The following CPQ variants were observed in gnomAD, a reference collection of about 807,000 sequenced individuals.
CPQ encodes Ser-Met dipeptidase.
Under a neutral mutation model 45.7 loss-of-function variants are expected in CPQ, and 37 were observed. The ratio of observed to expected loss-of-function variants is 0.81; its 90% CI spans 0.62 to 1.07. The LOEUF (loss-of-function observed/expected upper bound fraction) is 1.07. Among genes scored for constraint, CPQ ranks in the 50% least tolerant of loss-of-function variants. The pLI is 0.00. For missense variants in CPQ, 537 were observed against 572.9 expected (o/e 0.94, Z 0.64); for synonymous variants, 186 against 205.8 (o/e 0.90, Z 0.82).
rs560752482 is a variant in CPQ at position 96,656,863 on chromosome 8, C to T, written c.-35+11461C>T. 1.2e-4 allele frequency among the ~76,000 whole-genome samples: 18 copies of T among 152,280 alleles called. 1 individual carries two copies. The highest frequency in any genetic ancestry group is 6.8e-3 in the Middle Eastern group (2 of 294). On this transcript the variant is annotated intron_variant, in intron 1 of 7. Coordinates refer to ENST00000220763, the MANE Select transcript of CPQ (RefSeq NM_016134.4). ...CCATCACCAAAATTTGCACACTGGT[C>T]CCTGTGAGCTCTGCCTCCTTTCTTT... is the stretch of plus-strand genomic sequence containing the variant.
chr8:97,062,115 T>A (rs1335694435), intron 6 of CPQ, among the ~76,000 whole-genome samples: 1 of 151,976 alleles, frequency 6.6e-6, no homozygotes, highest in Non-Finnish European at 1.5e-5. Context: ...GGACATCTGT[T>A]CATTTGTAGT....
At chr8:96,726,283 ATTAATTCATTC>A (rs1809838518) in intron 1 of CPQ, among the ~76,000 whole-genome samples, 1 of 152,174 alleles carries the variant, frequency 6.6e-6, no homozygotes, top group African/African-American at 2.4e-5. Context: ...CTCATTATGG[ATTAATTCATTC>A]ATGAATTAAT....
chr8:96,972,297 A>T (rs1813692853), intron 5 of CPQ, among the ~76,000 whole-genome samples: 1 of 152,142 alleles, frequency 6.6e-6, no homozygotes, highest in Non-Finnish European at 1.5e-5. Flanking sequence ...CCCCCTGGGA[A>T]TATAACTCCA....
At chr8:96,912,099 C>G (rs992340989) in intron 4 of CPQ, among the ~76,000 whole-genome samples, 9 of 152,134 alleles carry the variant, frequency 5.9e-5, no homozygotes, top group African/African-American at 1.9e-4. Flanking sequence ...TTTCTGACCC[C>G]CCAGAACCAG....
intron 1 of CPQ, among the ~76,000 whole-genome samples, chr8:96,671,137 G>A (rs552823736): frequency 9.2e-5 from 14 of 152,236 alleles, no homozygotes; most frequent in East Asian, 5.8e-4. Context: ...AAAACTTAGC[G>A]TACTTTACTG....
At chr8:96,950,351 A>G (rs1813243044) in intron 4 of CPQ, among the ~76,000 whole-genome samples, 1 of 152,122 alleles carries the variant, frequency 6.6e-6, no homozygotes, top group African/African-American at 2.4e-5. Context: ...ATCATATTTT[A>G]TTACTAAACA....
chr8:96,983,240 A>C (rs545533065), intron 5 of CPQ, among the ~76,000 whole-genome samples: 1 of 152,056 alleles, frequency 6.6e-6, no homozygotes, highest in African/African-American at 2.4e-5. Flanking sequence ...TATTTCTTCT[A>C]TCTTTTTGAG....
intron 6 of CPQ, among the ~76,000 whole-genome samples, chr8:97,035,300 T>A (rs1332728761): frequency 6.6e-6 from 1 of 152,210 alleles, no homozygotes; most frequent in Non-Finnish European, 1.5e-5. Flanking sequence ...GTGAGTTGTT[T>A]CCAGTTTTAG....
At chr8:96,667,040 A>G (rs925326394) in intron 1 of CPQ, among the ~76,000 whole-genome samples, 1 of 151,960 alleles carries the variant, frequency 6.6e-6, no homozygotes, top group African/African-American at 2.4e-5. Context: ...CTTTTTTAAT[A>G]CGGCTTTCTG....
At chr8:96,993,155 C>G (rs1809123187) in intron 5 of CPQ, among the ~76,000 whole-genome samples, 1 of 152,190 alleles carries the variant, frequency 6.6e-6, no homozygotes, top group South Asian at 2.1e-4. Flanking sequence ...GCATTAATAT[C>G]TATAATCATG....
At chr8:96,842,688 T>C (rs1423038770) in intron 3 of CPQ, among the ~76,000 whole-genome samples, 1 of 152,156 alleles carries the variant, frequency 6.6e-6, no homozygotes, top group African/African-American at 2.4e-5. Context: ...GGATTCTTAT[T>C]ATTGTATCAG....
intron 1 of CPQ, among the ~76,000 whole-genome samples, chr8:96,718,365 C>A (rs1019215246): frequency 2.0e-5 from 3 of 152,122 alleles, no homozygotes; most frequent in Non-Finnish European, 2.9e-5. Context: ...TTTCTTCCTT[C>A]TGGTGGGTTC....
chr8:96,946,366 T>G (rs1242553917), intron 4 of CPQ, among the ~76,000 whole-genome samples: 1 of 152,208 alleles, frequency 6.6e-6, no homozygotes, highest in Non-Finnish European at 1.5e-5. Context: ...ACTTCTAGAT[T>G]TAATGTATCA....
chr8:96,696,467 A>G (rs1051274827), intron 1 of CPQ, among the ~76,000 whole-genome samples: 3 of 152,092 alleles, frequency 2.0e-5, no homozygotes, highest in Admixed American at 2.0e-4. Context: ...AAAAAGAACT[A>G]GAAAAGCAAG....
chr8:97,123,467 A>T (rs1460327464), intron 7 of CPQ, among the ~76,000 whole-genome samples: 1 of 151,556 alleles, frequency 6.6e-6, no homozygotes, highest in Non-Finnish European at 1.5e-5. Context: ...TCTAATGAAG[A>T]CTGTGATAGT....
chr8:97,044,588 C>T (rs1427212232), intron 6 of CPQ, among the ~76,000 whole-genome samples: 5 of 152,202 alleles, frequency 3.3e-5, no homozygotes, highest in Non-Finnish European at 7.3e-5. Context: ...AGTTTTTCTG[C>T]TCTGTTTTTT....
chr8:96,708,369 C>T (rs888450418), intron 1 of CPQ, among the ~76,000 whole-genome samples: 9 of 151,576 alleles, frequency 5.9e-5, no homozygotes, highest in African/African-American at 9.7e-5. Flanking sequence ...ATTCTGCCTA[C>T]CACAGCTTCT....
At chr8:96,678,245 C>T (rs544155553) in intron 1 of CPQ, among the ~76,000 whole-genome samples, 57 of 152,040 alleles carry the variant, frequency 3.7e-4, no homozygotes, top group African/African-American at 1.3e-3. Context: ...GCATTGAATC[C>T]GTATATTGCT....
chr8:96,876,218 G>C (rs1812143391), intron 3 of CPQ, among the ~76,000 whole-genome samples: 1 of 151,834 alleles, frequency 6.6e-6, no homozygotes, highest in Admixed American at 6.6e-5. Flanking sequence ...GTGTGTATGT[G>C]TGTTCCTTAG....
Sources: allele counts gnomAD v4.1 joint callset (sites outside exome capture counted in the v4.1 genomes callset), GRCh38; gene constraint gnomAD v4.1.1; transcripts MANE v1.5; gene names NCBI Gene and HGNC (gene_info 2026-07-23, HGNC 2026-07-21).